JAKMIP1: variants seen among roughly 807,000 people sequenced by gnomAD.
JAKMIP1 encodes janus kinase and microtubule-interacting protein 1.
A neutral mutation model predicts 113.0 loss-of-function variants in JAKMIP1; 33 were observed. The ratio of observed to expected loss-of-function variants is 0.29; its 90% CI spans 0.22 to 0.39. The LOEUF (loss-of-function observed/expected upper bound fraction) is 0.39, where lower values mean the gene tolerates loss of function less well. JAKMIP1 is among the 10% of genes least tolerant of loss of function. JAKMIP1 has a pLI of 1.00. For missense variants in JAKMIP1, 813 were observed against 1,080.5 expected (o/e 0.75, Z 3.47); for synonymous variants, 480 against 459.9 (o/e 1.04, Z -0.56).
At chr4:6,045,912 T>G (rs1170855988) in intron 16 of JAKMIP1, among the ~76,000 whole-genome samples, 1 of 152,190 alleles carries the variant, frequency 6.6e-6, no homozygotes, top group Non-Finnish European at 1.5e-5. Context: ...TGACATTGAC[T>G]TCCACTTATT....
rs561115310 is a variant in JAKMIP1, at chr4:6,153,330, G to A, written c.-147-40333C>T. 7.2e-4 allele frequency among the ~76,000 whole-genome samples: 109 copies of A among 152,296 alleles called. 1 individual carries two copies. The highest frequency in any genetic ancestry group is 2.4e-3 in the African/African-American group (100 of 41,554). Reference sequence around the variant, plus strand: ...AGGCCTTGGTCACAGGCAGATCTGGGTGAGAAGAGGAGCCACGCTGAGCAT... The same window carrying A: ...AGGCCTTGGTCACAGGCAGATCTGGATGAGAAGAGGAGCCACGCTGAGCAT... On this transcript the variant is annotated intron_variant, in intron 1 of 20. Transcript: ENST00000409021. The surrounding 1 kb of genome is among the most constrained non-coding windows in gnomAD (Gnocchi z 4.9).
intron 1 of JAKMIP1, among the ~76,000 whole-genome samples, chr4:6,191,094 T>C (rs201318220): frequency 6.6e-6 from 1 of 152,116 alleles, no homozygotes; most frequent in East Asian, 1.9e-4. Flanking sequence ...CCTGGTGCAA[T>C]TAATATTGCA....
Position 6,084,349 on chromosome 4 carries a change from T to C in JAKMIP1, c.954+497A>G, listed in dbSNP as rs111963926. On this transcript the variant is annotated intron_variant, in intron 5 of 20. Coordinates refer to ENST00000409021, the MANE Select transcript of JAKMIP1 (RefSeq NM_001099433.2). ...AAAAAAAAAAAAGAATAATTTCTAA[T>C]ATTCAAGATGATGACAATGTATTAT... is the stretch of plus-strand genomic sequence containing the variant. Among the ~76,000 whole-genome samples the C allele has an allele frequency of 9.1e-3, 1,378 of 151,766 alleles. 23 individuals carry two copies. The highest frequency in any genetic ancestry group is 0.032 in the African/African-American group (1,331 of 41,388).
At chr4:6,082,594 C>T (rs1720744143) in intron 5 of JAKMIP1, among the ~76,000 whole-genome samples, 1 of 151,946 alleles carries the variant, frequency 6.6e-6, no homozygotes, top group African/African-American at 2.4e-5. Flanking sequence ...GCCTTGACGT[C>T]CTGGCCTCAA....
Position 6,094,888 on chromosome 4 carries a change from G to T in JAKMIP1, c.625-9259C>A, listed in dbSNP as rs1474359825. 6.6e-6 allele frequency among the ~76,000 whole-genome samples: 1 copy of T among 152,240 alleles called. No homozygotes were observed. Among genetic ancestry groups the T allele is most frequent in the African/African-American group, 2.4e-5 (1 of 41,528 alleles). On this transcript the variant is annotated intron_variant, in intron 3 of 20. Transcript: ENST00000409021. The surrounding 1 kb of genome is among the most constrained non-coding windows in gnomAD (Gnocchi z 4.2). ...GGTCCTGGCTATTCAGGAGGCTGAG[G>T]TGGGAGGATTGCTTGAGCCTGGAAG...
chr4:6,109,602 G>A (rs192131229), intron 2 of JAKMIP1, among the ~76,000 whole-genome samples: 9 of 151,856 alleles, frequency 5.9e-5, no homozygotes, highest in Admixed American at 1.3e-4. Context: ...GTACCCATGC[G>A]ACTTGAGGAC....
At chr4:6,175,147 C>G (rs1725186060) in intron 1 of JAKMIP1, among the ~76,000 whole-genome samples, 1 of 152,090 alleles carries the variant, frequency 6.6e-6, no homozygotes, top group South Asian at 2.1e-4. Flanking sequence ...TGACCAACAT[C>G]AGGGGGCAGC....
intron 5 of JAKMIP1, among the ~76,000 whole-genome samples, chr4:6,082,091 G>A (rs1344585964): frequency 2.0e-5 from 3 of 152,106 alleles, no homozygotes; most frequent in South Asian, 4.2e-4. Flanking sequence ...GCCAACACAT[G>A]TGAAGGGGCC....
rs1408830665 is a variant in JAKMIP1 at position 6,138,170 on chromosome 4, T to C, written c.-147-25173A>G. Reference sequence around the variant, plus strand: ...CTCTACTTAAAGTAGCTGGACAGAGTGGCTTCTGTTATCTGCACCTGAACA... The same window carrying C: ...CTCTACTTAAAGTAGCTGGACAGAGCGGCTTCTGTTATCTGCACCTGAACA... On this transcript the variant is annotated intron_variant, in intron 1 of 20. Coordinates refer to ENST00000409021, the MANE Select transcript of JAKMIP1 (RefSeq NM_001099433.2). The surrounding 1 kb of genome is among the most constrained non-coding windows in gnomAD (Gnocchi z 6.0). Among the ~76,000 whole-genome samples, 1 of 152,174 alleles carries C rather than the reference T, an allele frequency of 6.6e-6. No homozygotes were observed. Among genetic ancestry groups the C allele is most frequent in the Non-Finnish European group, 1.5e-5 (1 of 68,032 alleles).
At chr4:6,127,693 T>C (rs1317128075) in intron 1 of JAKMIP1, among the ~76,000 whole-genome samples, 1 of 152,166 alleles carries the variant, frequency 6.6e-6, no homozygotes, top group East Asian at 1.9e-4. Flanking sequence ...CCTTCACTCC[T>C]GTGGGATTCC....
rs140359463 is a variant in JAKMIP1, at chr4:6,031,182, C to T, written c.2380-1401G>A. Among the ~76,000 whole-genome samples, 316 of 152,252 alleles carry T rather than the reference C, an allele frequency of 2.1e-3. 1 individual carries two copies. Among genetic ancestry groups the T allele is most frequent in the African/African-American group, 7.0e-3 (291 of 41,538 alleles). The stretch of plus-strand genomic sequence containing the variant: ...GCACGGTGGCTCAAGCCTGTAATCC[C>T]AGCACTTTTGGAGGCCGAGGCAGGT... On this transcript the variant is annotated intron_variant, in intron 19 of 20. Transcript: ENST00000409021. The surrounding 1 kb of genome is among the most constrained non-coding windows in gnomAD (Gnocchi z 4.4).
At chr4:6,172,748 T>C (rs1430559324) in intron 1 of JAKMIP1, among the ~76,000 whole-genome samples, 1 of 152,162 alleles carries the variant, frequency 6.6e-6, no homozygotes, top group East Asian at 1.9e-4. Flanking sequence ...ACCTGCAAGC[T>C]CAGCTCATGT....
chr4:6,092,687 T>C (rs768615706), intron 3 of JAKMIP1, among the ~76,000 whole-genome samples: 21 of 152,186 alleles, frequency 1.4e-4, no homozygotes, highest in Non-Finnish European at 2.4e-4. Flanking sequence ...CCCCAAGTCA[T>C]TGGAAGGCAG....
chr4:6,126,708 ACACCATACAGAAAC>A (rs1717717455), intron 1 of JAKMIP1, among the ~76,000 whole-genome samples: 1 of 147,346 alleles, frequency 6.8e-6, no homozygotes, highest in Non-Finnish European at 1.5e-5. Flanking sequence ...AAGCATGCCC[ACACCATACAGAAAC>A]AAATGCACAC....
At position 6,168,562 on chromosome 4, in the gene JAKMIP1, A is replaced by C. The variant is rs553207553; in HGVS notation, c.-148+31691T>G. Among the ~76,000 whole-genome samples, 1 of 152,314 alleles carries C rather than the reference A, an allele frequency of 6.6e-6. No homozygotes were observed. The highest frequency in any genetic ancestry group is 1.9e-4 in the East Asian group (1 of 5,186). Reference sequence around the variant, plus strand: ...CCAGTCACAAAATACCACAGATTGAATATTCCATTTAGATTAAATGTCTAG... The same window carrying C: ...CCAGTCACAAAATACCACAGATTGACTATTCCATTTAGATTAAATGTCTAG... On this transcript the variant is annotated intron_variant, in intron 1 of 20. Coordinates refer to ENST00000409021, the MANE Select transcript of JAKMIP1 (RefSeq NM_001099433.2). The surrounding 1 kb of genome is among the most constrained non-coding windows in gnomAD (Gnocchi z 4.6).
chr4:6,169,493 T>C (rs886334433), intron 1 of JAKMIP1, among the ~76,000 whole-genome samples: 1 of 152,132 alleles, frequency 6.6e-6, no homozygotes, highest in African/African-American at 2.4e-5. Context: ...AGAGAGAGCA[T>C]GGCCCTGCCC....
Position 6,081,735 on chromosome 4 carries a change from G to A in JAKMIP1, c.975C>T (p.Thr325=), listed in dbSNP as rs559005605. The change falls in exon 6 of 21, where the codon ACC becomes ACT. Residue 325 remains threonine (T), a synonymous_variant. Coordinates refer to ENST00000409021, the MANE Select transcript of JAKMIP1 (RefSeq NM_001099433.2). The surrounding 1 kb of genome is among the most constrained non-coding windows in gnomAD (Gnocchi z 4.6). ...CCACCAGGGGCTTCAGCTGAACCTCGGTCTCTCGTGAGCGTTTCAGCTGTG... is the reference window on the plus strand; with the variant it reads ...CCACCAGGGGCTTCAGCTGAACCTCAGTCTCTCGTGAGCGTTTCAGCTGTG... ...RNELLKRSRE[T]EVQLKPLVEK... is the part of the protein sequence containing the mutation. The A allele has an allele frequency of 1.7e-5, 27 of 1,614,074 alleles. No individual in the cohort carries two copies. Among genetic ancestry groups the A allele is most frequent in the South Asian group, 1.2e-4 (11 of 91,072 alleles).
In JAKMIP1 at chr4:6,103,918, A is replaced by C. The variant is rs1713486725; in HGVS notation, c.624+1555T>G. On this transcript the variant is annotated intron_variant, in intron 3 of 20. Coordinates refer to ENST00000409021, the MANE Select transcript of JAKMIP1 (RefSeq NM_001099433.2). ...AAATGTTTGTCAATTTATCAGTTTT[A>C]ATTAACTCTTGAATTTGTTGATTTT... 3.9e-5 allele frequency among the ~76,000 whole-genome samples: 6 copies of C among 151,950 alleles called. No individual in the cohort carries two copies. In the South Asian group the frequency reaches 1.2e-3, roughly 32 times the overall value.
intron 1 of JAKMIP1, among the ~76,000 whole-genome samples, chr4:6,117,632 G>A (rs1470513909): frequency 2.6e-5 from 4 of 151,936 alleles, no homozygotes; most frequent in Admixed American, 6.6e-5. Flanking sequence ...TTTATTAGGC[G>A]GGAATTTCCT....
Sources: allele counts gnomAD v4.1 joint callset (sites outside exome capture counted in the v4.1 genomes callset), GRCh38; gene constraint gnomAD v4.1.1; non-coding constraint Gnocchi (gnomAD v3.1); transcripts MANE v1.5; gene names NCBI Gene and HGNC (gene_info 2026-07-23, HGNC 2026-07-21).